KLHL32: variants seen among roughly 807,000 people sequenced by gnomAD.
The protein encoded by KLHL32 is kelch-like protein 32.
A neutral mutation model predicts 64.8 loss-of-function variants in KLHL32; 35 were observed. The ratio of observed to expected loss-of-function variants is 0.54; its 90% CI spans 0.41 to 0.72. KLHL32 has a LOEUF of 0.72. KLHL32 is among the 30% of genes least tolerant of loss of function. KLHL32 has a pLI of 0.00. For synonymous variants in KLHL32, 259 were observed against 281.0 expected, an observed-to-expected ratio of 0.92 and a Z score of 0.78; for missense variants, 589 against 768.5, an observed-to-expected ratio of 0.77 and a Z score of 2.76.
chr6:96,987,105 T>C (rs1341372903), intron 3 of KLHL32, among the ~76,000 whole-genome samples: 1 of 152,208 alleles, frequency 6.6e-6, no homozygotes, highest in Non-Finnish European at 1.5e-5. Context: ...TCTCTTTTCT[T>C]CTTTATTAGT....
At chr6:96,951,881 G>A (rs72924798) in intron 1 of KLHL32, among the ~76,000 whole-genome samples, 19,633 of 152,116 alleles carry the variant, frequency 0.13, 1,535 homozygotes, top group East Asian at 0.26. Context: ...GCAGGTCCTG[G>A]AGTAGCGTTG....
At chr6:96,992,882 T>C (rs1192565207) in intron 3 of KLHL32, among the ~76,000 whole-genome samples, 1 of 152,228 alleles carries the variant, frequency 6.6e-6, no homozygotes, top group Admixed American at 6.5e-5. Flanking sequence ...CACACATCTG[T>C]CTCCCTCAGT....
chr6:97,061,353 C>T (rs990744266), intron 4 of KLHL32, among the ~76,000 whole-genome samples: 3 of 151,792 alleles, frequency 2.0e-5, no homozygotes, highest in African/African-American at 7.3e-5. Context: ...CAGCCCGCCC[C>T]ATCCCGCCCC....
intron 7 of KLHL32, among the ~76,000 whole-genome samples, chr6:97,121,379 TC>T (rs1196386461): frequency 6.6e-6 from 1 of 152,222 alleles, no homozygotes; most frequent in African/African-American, 2.4e-5. Context: ...CAGAGTGCTA[TC>T]TGGGGATTTG....
chr6:97,132,898 C>T (rs1017684505), intron 10 of KLHL32, 151 bp downstream of exon 10: 2 of 560,812 alleles, frequency 3.6e-6, no homozygotes, highest in African/African-American at 2.0e-5. Flanking sequence ...TAAACTTCAT[C>T]CTGTATCCTA....
chr6:97,123,289 G>T (rs554294342), intron 7 of KLHL32, among the ~76,000 whole-genome samples: 2 of 152,220 alleles, frequency 1.3e-5, no homozygotes, highest in African/African-American at 4.8e-5. Context: ...AGAGACAAAG[G>T]TTGCTTGTTT....
At chr6:97,099,304 T>C (rs1203040292) in intron 6 of KLHL32, among the ~76,000 whole-genome samples, 2 of 152,256 alleles carry the variant, frequency 1.3e-5, no homozygotes, top group Non-Finnish European at 2.9e-5. Context: ...CTGGCCATGC[T>C]TCTGCTACCA....
chr6:97,050,288 A>C (rs1381545860), intron 4 of KLHL32, among the ~76,000 whole-genome samples: 1 of 152,062 alleles, frequency 6.6e-6, no homozygotes, highest in Non-Finnish European at 1.5e-5. Context: ...CCAACCCAAA[A>C]TCTGATTTGG....
At chr6:96,990,803 C>T (rs191913538) in intron 3 of KLHL32, among the ~76,000 whole-genome samples, 3 of 152,166 alleles carry the variant, frequency 2.0e-5, no homozygotes, top group East Asian at 3.9e-4. Flanking sequence ...ATTGGAGGCT[C>T]ATAGGTGAGC....
At chr6:97,004,292 A>G (rs961886031) in intron 3 of KLHL32, among the ~76,000 whole-genome samples, 4 of 152,176 alleles carry the variant, frequency 2.6e-5, no homozygotes, top group Non-Finnish European at 5.9e-5. Flanking sequence ...TTGTTGGTGT[A>G]TAGAAATGCT....
upstream of KLHL32, among the ~76,000 whole-genome samples, chr6:96,923,094 T>C (rs971306973): frequency 6.6e-6 from 1 of 152,152 alleles, no homozygotes; most frequent in Non-Finnish European, 1.5e-5. Context: ...ACACAGATGG[T>C]GAGTTGGTGG....
intron 3 of KLHL32, among the ~76,000 whole-genome samples, chr6:97,024,299 G>T (rs1782414294): frequency 6.6e-6 from 1 of 152,162 alleles, no homozygotes; most frequent in African/African-American, 2.4e-5. Context: ...CCACATAGCT[G>T]CTGTAATAGA....
the KLHL32 span, among the ~76,000 whole-genome samples, chr6:96,913,473 T>G: frequency 6.6e-6 from 1 of 152,198 alleles, no homozygotes; most frequent in African/African-American, 2.4e-5. Context: ...CTAATTTTAG[T>G]GTTTGCTCAT....
intron 1 of KLHL32, among the ~76,000 whole-genome samples, chr6:96,942,661 G>GTA (rs1195295678): frequency 2.2e-4 from 25 of 115,148 alleles, no homozygotes; most frequent in African/African-American, 6.8e-4. Flanking sequence ...TGGGGTGTGT[G>GTA]TGTGTGTGTG....
intron 5 of KLHL32, among the ~76,000 whole-genome samples, chr6:97,075,278 A>G (rs1791420666): frequency 6.6e-6 from 1 of 152,240 alleles, no homozygotes. Flanking sequence ...ATTGTATCAT[A>G]TACATATGCA....
chr6:97,004,794 T>G (rs1779456914), intron 3 of KLHL32, among the ~76,000 whole-genome samples: 1 of 152,202 alleles, frequency 6.6e-6, no homozygotes, highest in Admixed American at 6.5e-5. Context: ...TTGCATATGG[T>G]GAACCAACCT....
the KLHL32 span, among the ~76,000 whole-genome samples, chr6:96,907,752 T>C: frequency 6.6e-6 from 1 of 152,214 alleles, no homozygotes; most frequent in Admixed American, 6.5e-5. Flanking sequence ...CATTTTTGTT[T>C]TAACTGGTTG....
chr6:96,942,132 C>T (rs1771365900), intron 1 of KLHL32, among the ~76,000 whole-genome samples: 2 of 152,208 alleles, frequency 1.3e-5, no homozygotes, highest in African/African-American at 4.8e-5. Context: ...CTAACATTCT[C>T]CTGCTTTACA....
At position 96,976,183 on chromosome 6, in the gene KLHL32, T is replaced by A. The variant is rs911543727; in HGVS notation, c.204+6T>A. 6 of 1,537,154 alleles carry A rather than the reference T, an allele frequency of 3.9e-6. No homozygotes were observed. The highest frequency in any genetic ancestry group is 5.3e-6 in the Non-Finnish European group (6 of 1,134,656). ...CATGCAGTGACTATTTCCGGGTAAG[T>A]CAGCATTGTTTGTTTCTCGTAAAAT... On this transcript the variant is annotated splice_donor_region_variant and intron_variant, in intron 3 of 10. Coordinates refer to ENST00000369261, the MANE Select transcript of KLHL32 (RefSeq NM_052904.4).
Sources: gnomAD v4.1 joint callset for allele counts (sites outside exome capture counted in the v4.1 genomes callset) on GRCh38, gnomAD v4.1.1 for gene constraint, MANE v1.5 for transcripts, NCBI Gene and HGNC (gene_info 2026-07-23, HGNC 2026-07-21) for gene names.